ISG20: variants seen among roughly 807,000 people sequenced by gnomAD.
ISG20 encodes interferon stimulated exonuclease gene 20.
A neutral mutation model predicts 11.1 loss-of-function variants in ISG20; 8 were observed. That is an observed-to-expected ratio of 0.72 (90% confidence interval 0.42 to 1.30). The LOEUF is 1.30. Ranked by LOEUF, ISG20 falls within the 50% of genes most tolerant of loss-of-function variation. The pLI, the probability that ISG20 is intolerant of heterozygous loss-of-function variation, is 0.01. For missense variants in ISG20, 243 were observed against 250.2 expected, an observed-to-expected ratio of 0.97 and a Z score of 0.19; for synonymous variants, 110 against 101.7, an observed-to-expected ratio of 1.08 and a Z score of -0.49.
chr15:88,643,736 A>G lies in ISG20; in HGVS notation c.228+4142A>G, dbSNP rs561279744. The stretch of plus-strand genomic sequence containing the variant: ...AGAAAAAATTACATCTGTGGCTTGC[A>G]TTATATTTCTATTGGACAACACTGT... On this transcript the variant is annotated intron_variant, in intron 2 of 3. Transcript: ENST00000306072. This position sits in a 1 kb window ranked among gnomAD's most constrained non-coding sequence, Gnocchi z 4.4. Among the ~76,000 whole-genome samples the G allele has an allele frequency of 6.6e-6, 1 of 152,298 alleles. No individual in the cohort carries two copies. The highest frequency in any genetic ancestry group is 1.5e-5 in the Non-Finnish European group (1 of 68,030).
In ISG20 at chr15:88,650,134, G is replaced by A; in HGVS notation, c.229-1976G>A. 2.1e-6 allele frequency: 2 copies of A among 963,080 alleles called. No individual in the cohort carries two copies. Among genetic ancestry groups the A allele is most frequent in the East Asian group, 2.6e-5 (1 of 38,066 alleles). The allele number at this position is 963,080 out of a possible 1,614,324, so 59.7% of individuals were successfully genotyped here. A position where few individuals can be genotyped will look rare whatever the true frequency, so the allele number is the denominator to read the frequency against. On this transcript the variant is annotated intron_variant, in intron 2 of 3. Transcript: ENST00000306072. This position sits in a 1 kb window ranked among gnomAD's most constrained non-coding sequence, Gnocchi z 4.0. Reference sequence around the variant, plus strand: ...AGGCTAAGGTCGTGGGCTACATGCAGAGAAGGAGACGAAGGCTGTCCTAGA... The same window carrying A: ...AGGCTAAGGTCGTGGGCTACATGCAAAGAAGGAGACGAAGGCTGTCCTAGA...
chr15:88,638,883 G>A (rs1226022560), upstream of ISG20: 1 of 172,250 alleles, frequency 5.8e-6, no homozygotes, highest in Non-Finnish European at 1.3e-5. Context: ...GGTAGCCCAG[G>A]AGATGGAGCA....
chr15:88,655,487 A>G lies in ISG20; in HGVS notation c.502A>G (p.Ile168Val). The change falls in exon 4 of 4, where the codon ATC (isoleucine) becomes GTC (valine). Residue 168 changes from isoleucine (I) to valine (V), a missense_variant. Coordinates refer to ENST00000306072, the MANE Select transcript of ISG20 (RefSeq NM_002201.6). The stretch of plus-strand genomic sequence containing the variant: ...GGAGCTCTATCAAATCTCCCAGAGA[A>G]TCCGAGCCCGCCGAGGGCTGCCCCG... The part of the protein sequence containing the change: ...TMELYQISQR[I>V]RARRGLPRLA... 1 of 1,613,748 alleles carries G rather than the reference A, an allele frequency of 6.2e-7. No individual in the cohort carries two copies. Among genetic ancestry groups the G allele is most frequent in the Admixed American group, 1.7e-5 (1 of 60,028 alleles).
chr15:88,648,089 T>G (rs1596054912), intron 2 of ISG20: 1 of 152,372 alleles, frequency 6.6e-6, no homozygotes. Flanking sequence ...AGAATGGGGC[T>G]GGAGCCACTC....
upstream of ISG20, among the ~76,000 whole-genome samples, chr15:88,637,041 G>A (rs752160779): frequency 6.6e-6 from 1 of 152,122 alleles, no homozygotes; most frequent in Non-Finnish European, 1.5e-5. Context: ...GAATGGTAAG[G>A]GCATGGGAGA....
At chr15:88,641,608 G>C (rs561282274) in intron 2 of ISG20, among the ~76,000 whole-genome samples, 2 of 152,226 alleles carry the variant, frequency 1.3e-5, no homozygotes, top group South Asian at 4.2e-4. Flanking sequence ...TTCTCTCTGT[G>C]TGTGTCCAAA....
At chr15:88,646,955 G>C (rs143996082) in intron 2 of ISG20, 18,549 of 152,492 alleles carry the variant, frequency 0.12, 1,562 homozygotes, top group Non-Finnish European at 0.19. Flanking sequence ...ATTTTTAGTA[G>C]AGATGGGGTT....
In ISG20 at chr15:88,650,321, G is replaced by GGAGGC; in HGVS notation, c.229-1779_229-1775dup. ...CAGAGCAGGGCAGGCTGTCCATGTG[G>GGAGGC]GAGGCGAGGCGAGGAACGCGGGGCT... On this transcript the variant is annotated intron_variant, in intron 2 of 3. Coordinates refer to ENST00000306072, the MANE Select transcript of ISG20 (RefSeq NM_002201.6). The surrounding 1 kb of genome is among the most constrained non-coding windows in gnomAD (Gnocchi z 4.0). 1 of 1,535,590 alleles carries GGAGGC rather than the reference G, an allele frequency of 6.5e-7. No individual in the cohort carries two copies.
At chr15:88,651,364 A>C in intron 2 of ISG20, 1 of 900,626 alleles carries the variant, frequency 1.1e-6, no homozygotes, top group Non-Finnish European at 1.3e-6. Context: ...CTTCTCTTAC[A>C]GTTCTGTAGT....
chr15:88,651,371 T>G lies in ISG20; in HGVS notation c.229-739T>G, dbSNP rs1020077379. On this transcript the variant is annotated intron_variant, in intron 2 of 3. Coordinates refer to ENST00000306072, the MANE Select transcript of ISG20 (RefSeq NM_002201.6). ...ACAGATGTCTTCTCTTACAGTTCTGTAGTTTCGAAGTTCAGCGTGGGTCTC... is the reference window on the plus strand; with the variant it reads ...ACAGATGTCTTCTCTTACAGTTCTGGAGTTTCGAAGTTCAGCGTGGGTCTC... 3 of 886,842 alleles carry G rather than the reference T, an allele frequency of 3.4e-6. No individual in the cohort carries two copies. The African/African-American group carries it at 5.4e-5, about 16-fold the overall frequency. 54.9% of individuals were successfully genotyped at this position (886,842 alleles called of 1,614,324 possible).
In ISG20 at chr15:88,650,495, C is replaced by T; in HGVS notation, c.229-1615C>T. On this transcript the variant is annotated intron_variant, in intron 2 of 3. Coordinates refer to ENST00000306072, the MANE Select transcript of ISG20 (RefSeq NM_002201.6). The surrounding 1 kb of genome is among the most constrained non-coding windows in gnomAD (Gnocchi z 4.0). Reference sequence around the variant, plus strand: ...GCCACTAACTAGCCGTGTGACTGTCCCAGTTATCAAATGGTGCTTGGCAAA... The same window carrying T: ...GCCACTAACTAGCCGTGTGACTGTCTCAGTTATCAAATGGTGCTTGGCAAA... 7.1e-7 allele frequency: 1 copy of T among 1,403,940 alleles called. No individual in the cohort carries two copies. Among genetic ancestry groups the T allele is most frequent in the Non-Finnish European group, 9.3e-7 (1 of 1,074,148 alleles). The allele number at this position is 1,403,940 out of a possible 1,614,324, so 87.0% of individuals were successfully genotyped here.
At chr15:88,653,004 G>C (rs887641389) in intron 3 of ISG20, among the ~76,000 whole-genome samples, 1 of 151,958 alleles carries the variant, frequency 6.6e-6, no homozygotes, top group African/African-American at 2.4e-5. Flanking sequence ...GCAGGAAAAG[G>C]CATACGGATA....
At chr15:88,654,678 T>C (rs903792563) in intron 3 of ISG20, among the ~76,000 whole-genome samples, 2 of 152,220 alleles carry the variant, frequency 1.3e-5, no homozygotes, top group African/African-American at 2.4e-5. Flanking sequence ...CTGGCTTGTG[T>C]GTGAGCCTCA....
At position 88,639,766 on chromosome 15, in the gene ISG20, T is replaced by A. The variant is rs1237048823; in HGVS notation, c.228+172T>A. The stretch of plus-strand genomic sequence containing the variant: ...ATCACATCCTGGAGAAGGCTTCCTG[T>A]CTTCAGAGAACCATAGACTCACATC... On this transcript the variant is annotated intron_variant, in intron 2 of 3. Transcript: ENST00000306072. This position sits in a 1 kb window ranked among gnomAD's most constrained non-coding sequence, Gnocchi z 4.2. Among the ~76,000 whole-genome samples the A allele has an allele frequency of 6.6e-6, 1 of 152,226 alleles. No homozygotes were observed. Among genetic ancestry groups the A allele is most frequent in the Non-Finnish European group, 1.5e-5 (1 of 68,036 alleles).
upstream of ISG20, among the ~76,000 whole-genome samples, chr15:88,637,992 C>T (rs185508475): frequency 2.6e-5 from 4 of 152,304 alleles, no homozygotes; most frequent in Non-Finnish European, 5.9e-5. Flanking sequence ...GCAGGGCTTT[C>T]TCATGAAGAC....
chr15:88,638,038 T>C (rs2058013208), upstream of ISG20, among the ~76,000 whole-genome samples: 1 of 152,206 alleles, frequency 6.6e-6, no homozygotes, highest in Non-Finnish European at 1.5e-5. Flanking sequence ...TGAGGTTTGT[T>C]AAAGTTGGGC....
intron 3 of ISG20, among the ~76,000 whole-genome samples, chr15:88,653,145 G>A (rs1177742915): frequency 6.6e-6 from 1 of 152,170 alleles, no homozygotes; most frequent in Non-Finnish European, 1.5e-5. Flanking sequence ...CTCTAGGCCA[G>A]ATCCTAGAGA....
intron 2 of ISG20, among the ~76,000 whole-genome samples, chr15:88,645,778 A>G (rs11632623): frequency 0.44 from 66,843 of 151,866 alleles, 15,143 homozygotes; most frequent in Non-Finnish European, 0.49. Flanking sequence ...CCTGCCCACC[A>G]TCGCTGCCCC....
chr15:88,640,368 A>G (rs551268761), intron 2 of ISG20, among the ~76,000 whole-genome samples: 1 of 152,244 alleles, frequency 6.6e-6, no homozygotes, highest in South Asian at 2.1e-4. Context: ...AACAATAGCT[A>G]CTATTGACTG....
Sources: allele counts gnomAD v4.1 joint callset (sites outside exome capture counted in the v4.1 genomes callset), GRCh38; gene constraint gnomAD v4.1.1; non-coding constraint Gnocchi (gnomAD v3.1); transcripts MANE v1.5; gene names NCBI Gene and HGNC (gene_info 2026-07-23, HGNC 2026-07-21).